Variants in PPAN observed in about 807,000 individuals in gnomAD.
PPAN encodes peter pan homolog.
PPAN carries 39 observed loss-of-function variants against 48.5 expected under a neutral mutation model. The ratio of observed to expected loss-of-function variants is 0.80; its 90% CI spans 0.62 to 1.05. The LOEUF (loss-of-function observed/expected upper bound fraction) is 1.05, where lower values mean the gene tolerates loss of function less well. Among genes scored for constraint, PPAN ranks in the 50% least tolerant of loss-of-function variants. PPAN has a pLI of 0.00. For synonymous variants in PPAN, 315 were observed against 268.6 expected (o/e 1.17, Z -1.69); for missense variants, 736 against 661.7 (o/e 1.11, Z -1.23).
Position 10,108,277 on chromosome 19 carries a change from C to T in PPAN, c.513+143C>T, listed in dbSNP as rs1432601103. 7 of 1,285,340 alleles carry T rather than the reference C, an allele frequency of 5.4e-6. No homozygotes were observed. In the East Asian group the frequency reaches 1.3e-4, roughly 24 times the overall value. 79.6% of individuals were successfully genotyped at this position (1,285,340 alleles called of 1,614,324 possible). On this transcript the variant is annotated intron_variant, in intron 5 of 11. Transcript: ENST00000253107. The stretch of plus-strand genomic sequence containing the variant: ...CTGAGTCCTGAGGTCAAATCCCACT[C>T]CTGTGTCTGATGATGCTGGGCAAAA...
chr19:10,107,997 C>A lies in PPAN; in HGVS notation c.376C>A (p.Arg126Ser), dbSNP rs769371751. ...GGTGCGTGATGTGGTCTCCTCACTG[C>A]GCCGGCACCGCATGCACGAGCAGCA... ...SLVRDVVSSL[R>S]RHRMHEQQFA... is the part of the protein sequence containing the mutation. The change falls in exon 5 of 12, where the codon CGC becomes AGC. Residue 126 changes from arginine to serine, a missense_variant. Physicochemically the swap from Arg to Ser is moderately radical, Grantham distance 110. Transcript: ENST00000253107. The A allele has an allele frequency of 1.2e-6, 2 of 1,610,534 alleles. No homozygotes were observed. The highest frequency in any genetic ancestry group is 1.3e-5 in the African/African-American group (1 of 74,888).
Position 10,106,487 on chromosome 19 carries a change from T to C in PPAN, c.19-14T>C. The C allele has an allele frequency of 6.5e-7, 1 of 1,549,464 alleles. No homozygotes were observed. Among genetic ancestry groups the C allele is most frequent in the South Asian group, 1.2e-5 (1 of 83,936 alleles). On this transcript the variant is annotated splice_polypyrimidine_tract_variant and intron_variant, in intron 1 of 11. Coordinates refer to ENST00000253107, the MANE Select transcript of PPAN (RefSeq NM_020230.7). ...GAGGTCGCGGCGCTGACCCTTTGTC[T>C]CTCGTCGCCGCAGTCCCGGCACCAG...
Position 10,110,407 on chromosome 19 carries a change from GGCCGGGGCC to G in PPAN, c.901+13_901+21del, listed in dbSNP as rs1178340436. Reference sequence around the variant, plus strand: ...AAGTGATGTTCCACAGTTTTGGTGAGGCCGGGGCCGCCGGGGGTGGGGGGTCATGGGTGT... The same window carrying G: ...AAGTGATGTTCCACAGTTTTGGTGAGGCCGGGGGTGGGGGGTCATGGGTGT... On this transcript the variant is annotated splice_donor_region_variant and intron_variant, in intron 9 of 11. Transcript: ENST00000253107. The surrounding 1 kb of genome is among the most constrained non-coding windows in gnomAD (Gnocchi z 5.9). The G allele has an allele frequency of 2.5e-6, 4 of 1,613,190 alleles. No homozygotes were observed. Among genetic ancestry groups the G allele is most frequent in the East Asian group, 2.2e-5 (1 of 44,864 alleles).
chr19:10,110,989 G>GGGCGGA lies in PPAN; in HGVS notation c.1247_1252dup (p.Arg417_Lys418insArgArg), dbSNP rs780434200. On this transcript the variant is annotated inframe_insertion, in exon 12 of 12. Coordinates refer to ENST00000253107, the MANE Select transcript of PPAN (RefSeq NM_020230.7). This position sits in a 1 kb window ranked among gnomAD's most constrained non-coding sequence, Gnocchi z 5.9. ...GCAGAAACGGCTTGCCAAGTCTCCA[G>GGGCGGA]GGCGGAAGCGGAAGCGGTGGGAAAT... The GGGCGGA allele has an allele frequency of 5.6e-6, 9 of 1,613,262 alleles. No homozygotes were observed. In the South Asian group the frequency reaches 6.6e-5, roughly 12 times the overall value.
Position 10,111,136 on chromosome 19 carries a change from C to G in PPAN, c.1393C>G (p.Arg465Gly). Residue 465 changes from arginine (R) to glycine (G), a missense_variant, in exon 12 of 12, where the codon CGG (arginine) becomes GGG (glycine). Coordinates refer to ENST00000253107, the MANE Select transcript of PPAN (RefSeq NM_020230.7). ...CCGGGATGGTGGGCGAGGCCGGGGC[C>G]GGGGCCGCCCAGGGAAGAGAGTGGC... ...ASRDGGRGRG[R>G]GRPGKRVA The G allele has an allele frequency of 1.9e-6, 3 of 1,603,662 alleles. No individual in the cohort carries two copies. Among genetic ancestry groups the G allele is most frequent in the African/African-American group, 2.7e-5 (2 of 74,764 alleles).
At position 10,106,987 on chromosome 19, in the gene PPAN, G is replaced by A. The variant is rs1348542832; in HGVS notation, c.189+316G>A. 4.8e-6 allele frequency: 3 copies of A among 628,012 alleles called. 1 individual carries two copies. Among genetic ancestry groups the A allele is most frequent in the South Asian group, 4.6e-5 (3 of 64,910 alleles). 38.9% of individuals were successfully genotyped at this position (628,012 alleles called of 1,614,324 possible). A position where few individuals can be genotyped will look rare whatever the true frequency, so the allele number is the denominator to read the frequency against. ...GGATCACTTGAGCCCAGGAATTCGA[G>A]ACCAGCCTGAGCAGCATGGTGAAAC... On this transcript the variant is annotated intron_variant, in intron 2 of 11. Transcript: ENST00000253107.
Position 10,110,610 on chromosome 19 carries a change from C to G in PPAN, c.1027C>G (p.His343Asp). The G allele has an allele frequency of 6.2e-7, 1 of 1,605,654 alleles. No homozygotes were observed. The highest frequency in any genetic ancestry group is 8.5e-7 in the Non-Finnish European group (1 of 1,176,658). Reference sequence around the variant, plus strand: ...GCGCAAGCAGGAGCAGCGGGAGGCCCACAGGTCCAGGCAGAGCTGGGAAGG... The same window carrying G: ...GCGCAAGCAGGAGCAGCGGGAGGCCGACAGGTCCAGGCAGAGCTGGGAAGG... ...VQRKQEQREA[H>D]RKKSLEGMKK... Residue 343 changes from histidine (H) to aspartate (D), a missense_variant, in exon 10 of 12, where the codon CAC becomes GAC. His to Asp is a moderately conservative substitution (Grantham distance 81). Transcript: ENST00000253107. This position sits in a 1 kb window ranked among gnomAD's most constrained non-coding sequence, Gnocchi z 5.9.
Position 10,111,008 on chromosome 19 carries a change from G to A in PPAN, c.1265G>A (p.Trp422Ter). The A allele has an allele frequency of 1.2e-6, 2 of 1,613,556 alleles. No individual in the cohort carries two copies. The highest frequency in any genetic ancestry group is 1.3e-5 in the African/African-American group (1 of 75,030). Residue 422 changes from tryptophan to a stop codon, truncating the protein, a stop_gained, in exon 12 of 12, where the codon TGG (tryptophan) becomes TAG (stop). Coordinates refer to ENST00000253107, the MANE Select transcript of PPAN (RefSeq NM_020230.7). LOFTEE classifies it low-confidence loss of function (END_TRUNC). The part of the protein sequence containing the change: ...AKSPGRKRKR[W>*]EMDRGRGRLC... ...TCTCCAGGGCGGAAGCGGAAGCGGT[G>A]GGAAATGGATCGAGGCAGGGGTCGC...
chr19:10,106,276 A>G (rs1033480152), upstream of PPAN: 44 of 1,492,832 alleles, frequency 2.9e-5, no homozygotes, highest in African/African-American at 5.4e-4. Flanking sequence ...CCCAGAGGCC[A>G]CCTAGTGCGC....
chr19:10,107,196 G>A (rs1170808146), intron 2 of PPAN, among the ~76,000 whole-genome samples: 1 of 152,044 alleles, frequency 6.6e-6, no homozygotes, highest in Admixed American at 6.6e-5. Flanking sequence ...GAAAAAAAAA[G>A]ACTAGAATCT....
intron 1 of PPAN, 24 bp downstream of exon 1, chr19:10,106,436 C>T (rs759021092): frequency 7.9e-5 from 122 of 1,546,728 alleles, no homozygotes; most frequent in Non-Finnish European, 6.4e-5. Flanking sequence ...GCTTGGGAGG[C>T]AGGTGGCGCA....
intron 5 of PPAN, among the ~76,000 whole-genome samples, chr19:10,108,391 C>T (rs2088915810): frequency 6.6e-6 from 1 of 152,092 alleles, no homozygotes; most frequent in Non-Finnish European, 1.5e-5. Context: ...CTCTGTTTCC[C>T]ACGTGTGTTG....
At chr19:10,106,303 G>T (rs567384448), upstream of PPAN, 10 of 1,538,784 alleles carry the variant, frequency 6.5e-6, no homozygotes, top group Middle Eastern at 2.1e-4. Context: ...GCCTGATGTC[G>T]TCCCACGCCG....
chr19:10,108,629 G>A (rs1249770559), intron 5 of PPAN, among the ~76,000 whole-genome samples: 2 of 151,940 alleles, frequency 1.3e-5, no homozygotes, highest in South Asian at 2.1e-4. Context: ...GTGCATGCCT[G>A]TAGTACCAGC....
Position 10,111,454 on chromosome 19 carries a change from A to T in PPAN, c.*289A>T, listed in dbSNP as rs1379114651. 8.1e-6 allele frequency: 5 copies of T among 620,884 alleles called. No individual in the cohort carries two copies. Among genetic ancestry groups the T allele is most frequent in the Non-Finnish European group, 1.4e-5 (5 of 355,812 alleles). 38.5% of individuals were successfully genotyped at this position (620,884 alleles called of 1,614,324 possible). A position where few individuals can be genotyped will look rare whatever the true frequency, so the allele number is the denominator to read the frequency against. On this transcript the variant is annotated 3_prime_UTR_variant, in exon 12 of 12. Transcript: ENST00000253107. ...GCACGGGGTTGGTTTCATTGGTGGC[A>T]GCAGCAGCCATGAGTGGCCCCTCCC...
At chr19:10,108,745 CTG>C (rs938584117) in intron 5 of PPAN, among the ~76,000 whole-genome samples, 2 of 139,146 alleles carry the variant, frequency 1.4e-5, no homozygotes, top group African/African-American at 5.6e-5. Flanking sequence ...AAGCGAGACA[CTG>C]TCTCAAAAAA....
intron 6 of PPAN, 67 bp from the exon 7 acceptor site, chr19:10,109,846 A>G: frequency 6.2e-7 from 1 of 1,601,012 alleles, no homozygotes; most frequent in South Asian, 1.1e-5. Context: ...GAAGGGTGAG[A>G]TGGGCACCGC....
At chr19:10,108,831 T>G (rs1474934412) in intron 5 of PPAN, among the ~76,000 whole-genome samples, 1 of 152,042 alleles carries the variant, frequency 6.6e-6, no homozygotes, top group African/African-American at 2.4e-5. Context: ...GATTTTTAAT[T>G]TCATCTGGCT....
Position 10,110,705 on chromosome 19 carries a change from G to T in PPAN, c.1040G>T (p.Ser347Ile), listed in dbSNP as rs886698878. The T allele has an allele frequency of 3.1e-6, 5 of 1,613,674 alleles. No homozygotes were observed. The highest frequency in any genetic ancestry group is 1.7e-5 in the Admixed American group (1 of 59,998). Residue 347 changes from serine (S) to isoleucine (I), a missense_variant, in exon 11 of 12, where the codon AGC becomes ATC. Coordinates refer to ENST00000253107, the MANE Select transcript of PPAN (RefSeq NM_020230.7). This position sits in a 1 kb window ranked among gnomAD's most constrained non-coding sequence, Gnocchi z 5.9. ...QEQREAHRKKSLEGMKKARVG... is the reference protein window; with the variant it reads ...QEQREAHRKKILEGMKKARVG... Reference sequence around the variant, plus strand: ...CCCACGCCCTCCTCCAGAAAGAAGAGCCTGGAGGGCATGAAGAAGGCACGG... The same window carrying T: ...CCCACGCCCTCCTCCAGAAAGAAGATCCTGGAGGGCATGAAGAAGGCACGG...
Sources: allele counts gnomAD v4.1 joint callset (sites outside exome capture counted in the v4.1 genomes callset), GRCh38; gene constraint gnomAD v4.1.1; non-coding constraint Gnocchi (gnomAD v3.1); transcripts MANE v1.5; gene names NCBI Gene and HGNC (gene_info 2026-07-23, HGNC 2026-07-21).